ARFGAP3: variants seen among roughly 807,000 people sequenced by gnomAD.
ARFGAP3 encodes the protein ADP-ribosylation factor GTPase-activating protein 3.
A neutral mutation model predicts 75.0 loss-of-function variants in ARFGAP3; 72 were observed. The observed-to-expected ratio is 0.96, with a 90% CI of 0.79 to 1.17. The LOEUF (loss-of-function observed/expected upper bound fraction) is 1.17, where lower values mean the gene tolerates loss of function less well. Among genes scored for constraint, ARFGAP3 ranks in the 50% most tolerant of loss-of-function variants. The pLI is 0.00. For missense variants in ARFGAP3, 620 were observed against 626.6 expected, an observed-to-expected ratio of 0.99 and a Z score of 0.11; for synonymous variants, 221 against 217.9, an observed-to-expected ratio of 1.01 and a Z score of -0.13.
chr22:42,833,168 T>C (rs1443968402), intron 5 of ARFGAP3, among the ~76,000 whole-genome samples: 2 of 152,216 alleles, frequency 1.3e-5, no homozygotes, highest in Non-Finnish European at 2.9e-5. Context: ...TTAGAGCACT[T>C]ACTGAAGGCT....
Position 42,857,174 on chromosome 22 carries a change from G to T in ARFGAP3, c.9C>A (p.Asp3Glu). ...TGGTCAAGATGTCCTGCTTGCTGGG[G>T]TCCCCCATCGTCAGCTGTGAGCCGC... Reference protein sequence around the residue: MGDPSKQDILTIF... With the variant: MGEPSKQDILTIF... The change falls in exon 1 of 16, where the codon GAC becomes GAA. Residue 3 changes from aspartate to glutamate, a missense_variant. Asp to Glu is a conservative substitution (Grantham distance 45, BLOSUM62 2). Transcript: ENST00000263245. 2.0e-6 allele frequency: 3 copies of T among 1,513,730 alleles called. No individual in the cohort carries two copies. Among genetic ancestry groups the T allele is most frequent in the Non-Finnish European group, 2.7e-6 (3 of 1,128,396 alleles). The allele number at this position is 1,513,730 out of a possible 1,614,324, so 93.8% of individuals were successfully genotyped here.
intron 2 of ARFGAP3, among the ~76,000 whole-genome samples, chr22:42,846,271 T>A (rs982939863): frequency 6.6e-6 from 1 of 152,228 alleles, no homozygotes; most frequent in African/African-American, 2.4e-5. Context: ...GACTAAGCCA[T>A]GGCTGTTTGA....
intron 5 of ARFGAP3, among the ~76,000 whole-genome samples, chr22:42,832,175 A>AC (rs1602115922): frequency 6.9e-6 from 1 of 143,934 alleles, no homozygotes; most frequent in East Asian, 1.9e-4. Flanking sequence ...AAAAAAAAAA[A>AC]AAACCCAAAA....
chr22:42,813,936 A>G (rs1569143017), intron 11 of ARFGAP3, among the ~76,000 whole-genome samples: 2 of 151,686 alleles, frequency 1.3e-5, no homozygotes, highest in Non-Finnish European at 2.9e-5. Flanking sequence ...TTCCCCTCCC[A>G]CTCTGTCTTT....
At chr22:42,827,860 C>A (rs1297367340) in intron 6 of ARFGAP3, among the ~76,000 whole-genome samples, 1 of 152,038 alleles carries the variant, frequency 6.6e-6, no homozygotes, top group African/African-American at 2.4e-5. Flanking sequence ...AAGTTGGGCA[C>A]ACTGCGTGAG....
In ARFGAP3 at chr22:42,850,571, C is replaced by CAAAA. The variant is rs57841993; in HGVS notation, c.70-2943_70-2940dup. 1.6e-4 allele frequency among the ~76,000 whole-genome samples: 9 copies of CAAAA among 57,576 alleles called. 1 individual carries two copies. Among genetic ancestry groups the CAAAA allele is most frequent in the Non-Finnish European group, 2.5e-4 (8 of 32,536 alleles). 37.8% of individuals were successfully genotyped at this position (57,576 alleles called of 152,430 possible). A position where few individuals can be genotyped will look rare whatever the true frequency, so the allele number is the denominator to read the frequency against. ...CTCAGCAACAGTGAGACCCTGCTAT[C>CAAAA]AAAAAAAAAAAAAAAAAAAAAAAAA... On this transcript the variant is annotated intron_variant, in intron 1 of 15. Coordinates refer to ENST00000263245, the MANE Select transcript of ARFGAP3 (RefSeq NM_014570.5).
intron 13 of ARFGAP3, 32 bp downstream of exon 13, chr22:42,808,735 G>A: frequency 3.9e-6 from 6 of 1,553,708 alleles, no homozygotes; most frequent in Non-Finnish European, 5.3e-6. Context: ...CCTGCATTAT[G>A]GGGCACCCAA....
At chr22:42,855,421 C>A (rs1248748419) in intron 1 of ARFGAP3, among the ~76,000 whole-genome samples, 4 of 152,226 alleles carry the variant, frequency 2.6e-5, no homozygotes, top group African/African-American at 9.6e-5. Flanking sequence ...CGCGGTGGCT[C>A]ACGCCTGTAA....
At chr22:42,811,042 G>C in intron 11 of ARFGAP3, 98 bp from the exon 12 acceptor site, 1 of 1,512,596 alleles carries the variant, frequency 6.6e-7, no homozygotes. Flanking sequence ...CCTCCTTGAA[G>C]TTAATGGCAG....
intron 11 of ARFGAP3, among the ~76,000 whole-genome samples, chr22:42,815,554 C>T (rs1925540300): frequency 6.6e-6 from 1 of 151,818 alleles, no homozygotes; most frequent in Non-Finnish European, 1.5e-5. Flanking sequence ...CAATTAGATC[C>T]TAGGTAATAT....
At chr22:42,799,215 A>AGT in intron 14 of ARFGAP3, 55 bp from the exon 15 acceptor site, 1 of 1,601,774 alleles carries the variant, frequency 6.2e-7, no homozygotes, top group Non-Finnish European at 8.5e-7. Flanking sequence ...AGCTGCGGCA[A>AGT]ACCCAGTACC....
intron 13 of ARFGAP3, among the ~76,000 whole-genome samples, chr22:42,808,058 T>C (rs1013922541): frequency 5.9e-5 from 9 of 151,978 alleles, no homozygotes; most frequent in Non-Finnish European, 1.2e-4. Context: ...TTCATTAACA[T>C]TTCTGAGAAA....
At chr22:42,835,904 C>T (rs1278150058) in intron 3 of ARFGAP3, among the ~76,000 whole-genome samples, 2 of 152,098 alleles carry the variant, frequency 1.3e-5, no homozygotes, top group African/African-American at 4.8e-5. Context: ...TAAACCATCT[C>T]TGTCATTGTG....
chr22:42,799,393 A>C, intron 14 of ARFGAP3: 3 of 243,728 alleles, frequency 1.2e-5, no homozygotes, highest in Non-Finnish European at 2.0e-5. Context: ...CACCACTATG[A>C]GTTCAAATCC....
intron 4 of ARFGAP3, among the ~76,000 whole-genome samples, chr22:42,834,689 T>C (rs1363009773): frequency 6.6e-6 from 1 of 152,204 alleles, no homozygotes; most frequent in East Asian, 1.9e-4. Context: ...CCAAAATTAG[T>C]CCTCGTGGTG....
intron 1 of ARFGAP3, among the ~76,000 whole-genome samples, chr22:42,851,016 A>G (rs932402206): frequency 6.6e-6 from 1 of 152,252 alleles, no homozygotes; most frequent in East Asian, 1.9e-4. Flanking sequence ...TCTGTGGGGC[A>G]TCAAACAAAA....
At chr22:42,801,655 G>A (rs1023217589) in intron 14 of ARFGAP3, among the ~76,000 whole-genome samples, 3 of 151,446 alleles carry the variant, frequency 2.0e-5, no homozygotes, top group Admixed American at 6.5e-5. Flanking sequence ...TATGTTGGCC[G>A]GTGGGCAGGT....
intron 12 of ARFGAP3, among the ~76,000 whole-genome samples, chr22:42,809,324 T>C (rs917971264): frequency 2.0e-5 from 3 of 152,184 alleles, no homozygotes; most frequent in Non-Finnish European, 4.4e-5. Context: ...GGAAAATAAA[T>C]TCATTCATAA....
intron 1 of ARFGAP3, 125 bp downstream of exon 1, chr22:42,856,989 A>C (rs1247602133): frequency 3.2e-6 from 3 of 928,660 alleles, no homozygotes; most frequent in Admixed American, 5.0e-5. Flanking sequence ...CCGCGGCCCC[A>C]CAGTGCGACG....
Sources: gnomAD v4.1 joint callset for allele counts (sites outside exome capture counted in the v4.1 genomes callset) on GRCh38, gnomAD v4.1.1 for gene constraint, MANE v1.5 for transcripts, NCBI Gene and HGNC (gene_info 2026-07-23, HGNC 2026-07-21) for gene names.